ANK2: variants seen among roughly 807,000 people sequenced by gnomAD.
ANK2 encodes the protein ankyrin 2.
ANK2 carries 83 observed loss-of-function variants against 360.5 expected under a neutral mutation model. The ratio of observed to expected loss-of-function variants is 0.23; its 90% CI spans 0.19 to 0.28. ANK2 has a LOEUF of 0.28. Ranked by LOEUF, ANK2 falls within the 10% of genes least tolerant of loss-of-function variation. ANK2 has a pLI of 1.00. For missense variants in ANK2, 4,201 were observed against 4,795.7 expected (o/e 0.88, Z 3.66); for synonymous variants, 1,740 against 1,759.5 (o/e 0.99, Z 0.28).
At chr4:113,035,209 G>A (rs1181892514) in intron 2 of ANK2, among the ~76,000 whole-genome samples, 2 of 151,472 alleles carry the variant, frequency 1.3e-5, no homozygotes, top group Non-Finnish European at 3.0e-5. Flanking sequence ...TTGGGAAGGG[G>A]GTGTTCTGGA....
intron 39 of ANK2, 85 bp from the exon 40 acceptor site, chr4:113,363,253 A>G: frequency 7.4e-7 from 1 of 1,359,208 alleles, no homozygotes. Flanking sequence ...TATAAAGAAC[A>G]CATCATTTAC....
chr4:112,768,118 G>A, the ANK2 span, among the ~76,000 whole-genome samples: 2 of 152,118 alleles, frequency 1.3e-5, no homozygotes, highest in Non-Finnish European at 2.9e-5. Flanking sequence ...GCATGAGGGG[G>A]TGTTTCACTT....
chr4:112,742,943 C>G, the ANK2 span, among the ~76,000 whole-genome samples: 1 of 152,182 alleles, frequency 6.6e-6, no homozygotes, highest in South Asian at 2.1e-4. Flanking sequence ...TCAGGCTGGT[C>G]TCGACTGGCC....
chr4:113,033,090 T>C (rs2060760724), intron 2 of ANK2, among the ~76,000 whole-genome samples: 1 of 152,054 alleles, frequency 6.6e-6, no homozygotes, highest in Non-Finnish European at 1.5e-5. Flanking sequence ...AAATGGTCTC[T>C]CTCCTGTATT....
chr4:113,238,364 C>T (rs1178566212), intron 7 of ANK2, among the ~76,000 whole-genome samples: 1 of 152,070 alleles, frequency 6.6e-6, no homozygotes, highest in African/African-American at 2.4e-5. Flanking sequence ...TATGTAGGTC[C>T]ATTATTGTTT....
At chr4:112,723,862 T>C in the ANK2 span, among the ~76,000 whole-genome samples, 3 of 135,318 alleles carry the variant, frequency 2.2e-5, no homozygotes, top group Non-Finnish European at 5.2e-5. Context: ...ACAGAATTTA[T>C]TCTTTAGTTG....
intron 2 of ANK2, among the ~76,000 whole-genome samples, chr4:113,027,857 G>T (rs183539520): frequency 6.6e-6 from 1 of 152,076 alleles, no homozygotes; most frequent in Non-Finnish European, 1.5e-5. Flanking sequence ...TGGTGATTTT[G>T]GATGAAATGA....
Position 113,339,278 on chromosome 4 carries a change from A to G in ANK2, c.3849A>G (p.Thr1283=), listed in dbSNP as rs1372303138. The change falls in exon 32 of 46, where the codon ACA becomes ACG. Residue 1283 remains threonine, a synonymous_variant. Transcript: ENST00000357077. ...ATATTACAGGAACTACGCCATTAAC[A>G]TTTGTCAATGAATGTGTTTCCTTTA... The part of the protein sequence containing the change: ...WEDITGTTPL[T]FVNECVSFTT... The G allele has an allele frequency of 1.2e-6, 2 of 1,613,882 alleles. No homozygotes were observed. The highest frequency in any genetic ancestry group is 1.7e-6 in the Non-Finnish European group (2 of 1,179,984).
intron 2 of ANK2, among the ~76,000 whole-genome samples, chr4:112,972,813 T>C (rs1045802292): frequency 1.3e-5 from 2 of 152,114 alleles, no homozygotes; most frequent in African/African-American, 4.8e-5. Flanking sequence ...ACATGGTATA[T>C]ATATACCATG....
intron 1 of ANK2, among the ~76,000 whole-genome samples, chr4:113,054,342 T>C (rs1018135565): frequency 2.9e-5 from 4 of 137,150 alleles, no homozygotes; most frequent in Non-Finnish European, 4.8e-5. Context: ...CACACACACA[T>C]ATTTAATGGC....
intron 2 of ANK2, among the ~76,000 whole-genome samples, chr4:112,950,901 T>C (rs1202159239): frequency 1.3e-5 from 2 of 150,106 alleles, no homozygotes; most frequent in Admixed American, 1.3e-4. Context: ...GCTAAAACGG[T>C]GAAACCCCGT....
chr4:113,219,890 A>G lies in ANK2; in HGVS notation c.385-12271A>G, dbSNP rs190978411. 2.2e-4 allele frequency among the ~76,000 whole-genome samples: 33 copies of G among 152,306 alleles called. No individual in the cohort carries two copies. In the East Asian group the frequency reaches 2.3e-3, roughly 11 times the overall value. ...GGATATACCAACTAGGATACCTTCA[A>G]TCACAAATAAGAAAAACAGCTCCTC... On this transcript the variant is annotated intron_variant, in intron 4 of 45. Coordinates refer to ENST00000357077, the MANE Select transcript of ANK2 (RefSeq NM_001148.6).
intron 1 of ANK2, among the ~76,000 whole-genome samples, chr4:113,121,312 A>G (rs140948440): frequency 9.0e-4 from 137 of 152,288 alleles, no homozygotes; most frequent in African/African-American, 3.2e-3. Flanking sequence ...AGTTCATTGG[A>G]GAAAAAAAGT....
At chr4:113,078,626 A>G (rs996456309) in intron 1 of ANK2, among the ~76,000 whole-genome samples, 26 of 152,264 alleles carry the variant, frequency 1.7e-4, no homozygotes, top group African/African-American at 6.0e-4. Context: ...CATTTTAAAG[A>G]TGAGGAGACT....
the ANK2 span, among the ~76,000 whole-genome samples, chr4:112,728,545 G>C: frequency 0.14 from 21,281 of 151,770 alleles, 2,241 homozygotes; most frequent in East Asian, 0.49. Flanking sequence ...GAGACCAGGA[G>C]TTCAAGATCA....
chr4:113,324,468 T>C (rs1218420891), intron 26 of ANK2, among the ~76,000 whole-genome samples: 3 of 152,188 alleles, frequency 2.0e-5, no homozygotes, highest in Non-Finnish European at 4.4e-5. Context: ...AAATTATCAG[T>C]CTACAAAAAA....
the ANK2 span, among the ~76,000 whole-genome samples, chr4:112,706,049 C>A: frequency 6.6e-6 from 1 of 150,956 alleles, no homozygotes; most frequent in African/African-American, 2.4e-5. Context: ...TGCGGAGACT[C>A]CGGGCGGGCG....
chr4:112,875,373 G>A (rs554070778), intron 1 of ANK2, among the ~76,000 whole-genome samples: 13 of 152,232 alleles, frequency 8.5e-5, no homozygotes, highest in Non-Finnish European at 1.9e-4. Flanking sequence ...GAGTGCAGTG[G>A]TGCCATCATA....
chr4:112,745,817 G>A, the ANK2 span, among the ~76,000 whole-genome samples: 5 of 152,054 alleles, frequency 3.3e-5, no homozygotes, highest in African/African-American at 9.7e-5. Context: ...ACAGGTGTGA[G>A]CCACTGCGCC....
Sources: gnomAD v4.1 joint callset for allele counts (sites outside exome capture counted in the v4.1 genomes callset) on GRCh38, gnomAD v4.1.1 for gene constraint, MANE v1.5 for transcripts, NCBI Gene and HGNC (gene_info 2026-07-23, HGNC 2026-07-21) for gene names.